CSMD1: variants seen among roughly 807,000 people sequenced by gnomAD.
CSMD1 encodes CUB and Sushi multiple domains 1, also known as CUB and sushi domain-containing protein 1.
A neutral mutation model predicts 417.5 loss-of-function variants in CSMD1; 213 were observed. That is an observed-to-expected ratio of 0.51 (90% CI 0.46 to 0.57). The LOEUF is 0.57. Among genes scored for constraint, CSMD1 ranks in the 20% least tolerant of loss-of-function variants. CSMD1 has a pLI of 0.00. For synonymous variants in CSMD1, 2,862 were observed against 1,736.8 expected (o/e 1.65, Z -16.11); for missense variants, 6,923 against 4,529.7 (o/e 1.53, Z -15.17).
chr8:3,714,091 T>C (rs763847384), intron 6 of CSMD1, among the ~76,000 whole-genome samples: 1 of 150,750 alleles, frequency 6.6e-6, no homozygotes, highest in Admixed American at 6.6e-5. Flanking sequence ...TATATAATCA[T>C]GTATATATAT....
intron 3 of CSMD1, among the ~76,000 whole-genome samples, chr8:4,241,697 ATTTT>A (rs1348710694): frequency 2.3e-5 from 3 of 128,746 alleles, no homozygotes; most frequent in Non-Finnish European, 3.2e-5. Context: ...ATTTGGAGTG[ATTTT>A]TTTTTTCTTT....
intron 3 of CSMD1, among the ~76,000 whole-genome samples, chr8:4,281,325 G>T (rs1450589121): frequency 6.6e-6 from 1 of 152,210 alleles, no homozygotes; most frequent in African/African-American, 2.4e-5. Context: ...TGCGAGAACA[G>T]GTGGTCCCAG....
chr8:4,250,155 C>A (rs182614305), intron 3 of CSMD1, among the ~76,000 whole-genome samples: 1 of 152,134 alleles, frequency 6.6e-6, no homozygotes, highest in Non-Finnish European at 1.5e-5. Flanking sequence ...AGCTTCTCAG[C>A]CTCTAGAACT....
chr8:3,196,628 T>C (rs1017183888), intron 33 of CSMD1, among the ~76,000 whole-genome samples: 1 of 152,148 alleles, frequency 6.6e-6, no homozygotes, highest in Non-Finnish European at 1.5e-5. Context: ...TTTGATTATA[T>C]CACAGCTGAT....
intron 11 of CSMD1, chr8:3,469,092 T>C (rs1037931840): frequency 2.7e-5 from 8 of 301,558 alleles, no homozygotes; most frequent in African/African-American, 1.3e-4. Context: ...AACCATCCCA[T>C]TTTCCTGGAA....
intron 3 of CSMD1, among the ~76,000 whole-genome samples, chr8:4,125,647 C>T (rs1209211412): frequency 6.6e-6 from 1 of 152,204 alleles, no homozygotes; most frequent in African/African-American, 2.4e-5. Flanking sequence ...ACCTAACCAA[C>T]TCTATGTTGC....
intron 3 of CSMD1, among the ~76,000 whole-genome samples, chr8:4,044,482 G>A (rs2554559): frequency 0.24 from 36,748 of 152,046 alleles, 4,614 homozygotes; most frequent in East Asian, 0.35. Flanking sequence ...CACATCTCAG[G>A]GGACCAGCGA....
intron 7 of CSMD1, among the ~76,000 whole-genome samples, chr8:3,621,130 C>T (rs111478134): frequency 4.4e-4 from 67 of 152,274 alleles, no homozygotes; most frequent in African/African-American, 1.5e-3. Flanking sequence ...GAAACCAACC[C>T]TGCCCAAACC....
intron 25 of CSMD1, among the ~76,000 whole-genome samples, chr8:3,290,953 C>A (rs1803512252): frequency 6.6e-6 from 1 of 152,122 alleles, no homozygotes; most frequent in Non-Finnish European, 1.5e-5. Flanking sequence ...ATGATATTGG[C>A]TGTGGGTTTG....
intron 5 of CSMD1, among the ~76,000 whole-genome samples, chr8:3,756,246 G>C (rs186206902): frequency 6.6e-6 from 1 of 151,624 alleles, no homozygotes; most frequent in Admixed American, 6.6e-5. Context: ...CCAGCTACTC[G>C]GGAGGCTGAG....
intron 3 of CSMD1, among the ~76,000 whole-genome samples, chr8:4,352,879 C>A (rs537718835): frequency 6.6e-5 from 10 of 152,208 alleles, no homozygotes; most frequent in African/African-American, 2.4e-4. Context: ...GATCGTCAGC[C>A]ATAATTACCT....
Position 4,817,154 on chromosome 8 carries a change from C to A in CSMD1, c.85+177178G>T, listed in dbSNP as rs115110532. 1.1e-3 allele frequency among the ~76,000 whole-genome samples: 169 copies of A among 151,876 alleles called. 2 individuals are homozygous for A. Among genetic ancestry groups the A allele is most frequent in the African/African-American group, 4.0e-3 (164 of 41,226 alleles). On this transcript the variant is annotated intron_variant, in intron 1 of 69. Coordinates refer to ENST00000635120, the MANE Select transcript of CSMD1 (RefSeq NM_033225.6). ...ACATATCATAATATTTACATAAATACACACACATGTATACACACTATACTC... is the reference window on the plus strand; with the variant it reads ...ACATATCATAATATTTACATAAATAAACACACATGTATACACACTATACTC...
chr8:4,287,837 G>A (rs1797147165), intron 3 of CSMD1, among the ~76,000 whole-genome samples: 2 of 152,018 alleles, frequency 1.3e-5, no homozygotes, highest in Admixed American at 6.6e-5. Flanking sequence ...CATTTAGTGG[G>A]AGAAGTGCCT....
intron 26 of CSMD1, among the ~76,000 whole-genome samples, chr8:3,275,418 CT>C (rs1446544737): frequency 3.3e-5 from 5 of 152,082 alleles, no homozygotes; most frequent in Non-Finnish European, 5.9e-5. Flanking sequence ...TGGTGTTGCT[CT>C]TCTCGAGGAG....
At chr8:4,229,753 G>A (rs759450969) in intron 3 of CSMD1, among the ~76,000 whole-genome samples, 1 of 152,064 alleles carries the variant, frequency 6.6e-6, no homozygotes, top group Non-Finnish European at 1.5e-5. Flanking sequence ...CTTCTACATA[G>A]CATATCACAA....
intron 3 of CSMD1, among the ~76,000 whole-genome samples, chr8:4,338,506 G>C (rs963520276): frequency 2.6e-5 from 4 of 152,082 alleles, no homozygotes; most frequent in Non-Finnish European, 5.9e-5. Flanking sequence ...ATTGTACTTT[G>C]TACCTTCAAA....
At chr8:4,135,935 G>C (rs1056332605) in intron 3 of CSMD1, among the ~76,000 whole-genome samples, 4 of 151,982 alleles carry the variant, frequency 2.6e-5, no homozygotes, top group African/African-American at 9.7e-5. Flanking sequence ...CCCTGGATTG[G>C]GCTTTCTAAA....
intron 34 of CSMD1, among the ~76,000 whole-genome samples, chr8:3,189,234 T>A (rs1471064989): frequency 6.6e-6 from 1 of 152,248 alleles, no homozygotes; most frequent in African/African-American, 2.4e-5. Context: ...CTTGAGTCTA[T>A]AAATAAATCT....
chr8:4,555,540 C>T (rs1159845519), intron 2 of CSMD1, among the ~76,000 whole-genome samples: 1 of 152,162 alleles, frequency 6.6e-6, no homozygotes, highest in Non-Finnish European at 1.5e-5. Context: ...ATCCCAGTTC[C>T]TTTTTCCTGT....
Sources: gnomAD v4.1 joint callset for allele counts (sites outside exome capture counted in the v4.1 genomes callset) on GRCh38, gnomAD v4.1.1 for gene constraint, MANE v1.5 for transcripts, NCBI Gene and HGNC (gene_info 2026-07-23, HGNC 2026-07-21) for gene names.